Variants in GRM5 observed in about 807,000 individuals in gnomAD.
GRM5 encodes glutamate metabotropic receptor 5.
A neutral mutation model predicts 83.1 loss-of-function variants in GRM5; 19 were observed. The ratio of observed to expected loss-of-function variants is 0.23; its 90% CI spans 0.16 to 0.34. The LOEUF (loss-of-function observed/expected upper bound fraction) is 0.34, where lower values mean the gene tolerates loss of function less well. Ranked by LOEUF, GRM5 falls within the 10% of genes least tolerant of loss-of-function variation. The probability of loss-of-function intolerance (pLI) is 1.00; values close to 1 mark genes in which losing one functional copy is unlikely to be tolerated. For missense variants in GRM5, 1,160 were observed against 1,588.3 expected (o/e 0.73, Z 4.58); for synonymous variants, 675 against 633.6 (o/e 1.07, Z -0.98).
intron 3 of GRM5, among the ~76,000 whole-genome samples, chr11:88,713,833 T>C (rs1941339202): frequency 1.3e-5 from 2 of 151,908 alleles, no homozygotes; most frequent in Non-Finnish European, 2.9e-5. Context: ...AATATTCCAA[T>C]TATCTCTAGG....
chr11:88,603,823 T>A (rs1201451539), intron 5 of GRM5, among the ~76,000 whole-genome samples: 1 of 152,194 alleles, frequency 6.6e-6, no homozygotes, highest in Non-Finnish European at 1.5e-5. Flanking sequence ...TGTTGGGGAT[T>A]CATGAAACCT....
At chr11:88,967,248 C>CAT (rs61389354) in intron 2 of GRM5, among the ~76,000 whole-genome samples, 449 of 141,654 alleles carry the variant, frequency 3.2e-3, no homozygotes, top group East Asian at 0.012. Flanking sequence ...TATATATACA[C>CAT]ATATATATAT....
intron 8 of GRM5, among the ~76,000 whole-genome samples, chr11:88,547,338 T>G (rs981341284): frequency 6.6e-6 from 1 of 152,030 alleles, no homozygotes; most frequent in Admixed American, 6.6e-5. Flanking sequence ...AGACTAATAC[T>G]CCAGAATTGA....
intron 2 of GRM5, among the ~76,000 whole-genome samples, chr11:88,856,072 A>T (rs1406802405): frequency 1.3e-5 from 2 of 152,104 alleles, no homozygotes; most frequent in Non-Finnish European, 2.9e-5. Flanking sequence ...TCTACAATAG[A>T]ACTTTATTTT....
At chr11:88,808,667 A>G (rs1943539203) in intron 3 of GRM5, among the ~76,000 whole-genome samples, 1 of 152,008 alleles carries the variant, frequency 6.6e-6, no homozygotes, top group Admixed American at 6.6e-5. Flanking sequence ...ATTGGAATGT[A>G]AAATATTATT....
intron 9 of GRM5, among the ~76,000 whole-genome samples, chr11:88,515,883 T>C (rs1357131977): frequency 6.6e-6 from 1 of 152,176 alleles, no homozygotes; most frequent in African/African-American, 2.4e-5. Context: ...GAATAAAACA[T>C]GGAATTGGGA....
intron 2 of GRM5, among the ~76,000 whole-genome samples, chr11:88,937,063 G>A (rs1358962558): frequency 6.6e-6 from 1 of 151,686 alleles, no homozygotes; most frequent in South Asian, 2.1e-4. Flanking sequence ...TAGCATTGTT[G>A]AGAGTAATTT....
intron 4 of GRM5, among the ~76,000 whole-genome samples, chr11:88,651,207 G>T (rs1939622682): frequency 6.6e-6 from 1 of 152,006 alleles, no homozygotes; most frequent in Non-Finnish European, 1.5e-5. Flanking sequence ...CTGTATTTAA[G>T]CAGGACTTCC....
At chr11:88,514,789 C>A (rs530272895) in intron 9 of GRM5, among the ~76,000 whole-genome samples, 6 of 152,052 alleles carry the variant, frequency 3.9e-5, no homozygotes, top group Admixed American at 1.3e-4. Context: ...ATTAACGAGG[C>A]CTTAAAGCTT....
intron 4 of GRM5, among the ~76,000 whole-genome samples, chr11:88,638,959 C>A (rs980272217): frequency 1.3e-5 from 2 of 151,962 alleles, no homozygotes; most frequent in Non-Finnish European, 2.9e-5. Flanking sequence ...TTTCTGTCTT[C>A]TGTATCACTG....
intron 2 of GRM5, among the ~76,000 whole-genome samples, chr11:89,037,835 A>G (rs977067442): frequency 5.9e-5 from 9 of 152,182 alleles, no homozygotes; most frequent in African/African-American, 9.6e-5. Flanking sequence ...TTTAGGAATA[A>G]CATGAAAAAG....
intron 2 of GRM5, among the ~76,000 whole-genome samples, chr11:88,909,517 AT>A: frequency 7.0e-6 from 1 of 142,180 alleles, no homozygotes; most frequent in Non-Finnish European, 1.5e-5. Context: ...ATAAAGCAGG[AT>A]GTTCCCAAAC....
Position 88,506,647 on chromosome 11 carries a change from C to A in GRM5, c.*1945G>T, listed in dbSNP as rs1941190087. 6.6e-6 allele frequency: 1 copy of A among 152,022 alleles called. No homozygotes were observed. Among genetic ancestry groups the A allele is most frequent in the African/African-American group, 2.4e-5 (1 of 41,402 alleles). 9.4% of individuals were successfully genotyped at this position (152,022 alleles called of 1,614,324 possible). On this transcript the variant is annotated 3_prime_UTR_variant, in exon 10 of 10. Transcript: ENST00000305447. The stretch of plus-strand genomic sequence containing the variant: ...AGGTTCGATTTCTTTTAAATTAATA[C>A]TTTAGTACATTAATGTTAGCTTTTA...
rs1261747936 is a variant in GRM5, at chr11:88,649,209, C to T, written c.1147+3959G>A. 2.2e-5 allele frequency among the ~76,000 whole-genome samples: 3 copies of T among 137,770 alleles called. No homozygotes were observed. In the Admixed American group the frequency reaches 2.3e-4, roughly 11 times the overall value. 90.4% of individuals were successfully genotyped at this position (137,770 alleles called of 152,430 possible). ...ATATGTTATATATAATATCTATACACATATACACATATATGTATATATAGT... is the reference window on the plus strand; with the variant it reads ...ATATGTTATATATAATATCTATACATATATACACATATATGTATATATAGT... On this transcript the variant is annotated intron_variant, in intron 4 of 9. Transcript: ENST00000305447.
At chr11:88,904,543 T>C (rs1454433130) in intron 2 of GRM5, among the ~76,000 whole-genome samples, 2 of 152,156 alleles carry the variant, frequency 1.3e-5, no homozygotes, top group Admixed American at 1.3e-4. Context: ...CTTAGTTTCT[T>C]TTAAACACTG....
intron 3 of GRM5, among the ~76,000 whole-genome samples, chr11:88,802,643 C>G (rs1236642140): frequency 1.3e-5 from 2 of 152,200 alleles, no homozygotes; most frequent in East Asian, 1.9e-4. Context: ...GATGCCCTCT[C>G]TCACCACTCC....
At chr11:88,540,592 T>A (rs1406905367) in intron 8 of GRM5, among the ~76,000 whole-genome samples, 2 of 152,104 alleles carry the variant, frequency 1.3e-5, no homozygotes, top group Non-Finnish European at 2.9e-5. Flanking sequence ...AGGTAGCCAG[T>A]GTAAGTTGTG....
intron 2 of GRM5, among the ~76,000 whole-genome samples, chr11:89,016,347 G>C (rs1055039052): frequency 6.6e-6 from 1 of 150,700 alleles, no homozygotes; most frequent in East Asian, 1.9e-4. Context: ...TGGGAATAAT[G>C]GTTTTTCATA....
At chr11:88,986,117 G>A (rs664287) in intron 2 of GRM5, among the ~76,000 whole-genome samples, 12,291 of 152,116 alleles carry the variant, frequency 0.081, 1,555 homozygotes, top group African/African-American at 0.27. Flanking sequence ...ATGGATGAAC[G>A]TTTAAATGAC....
Sources: allele counts gnomAD v4.1 joint callset (sites outside exome capture counted in the v4.1 genomes callset), GRCh38; gene constraint gnomAD v4.1.1; transcripts MANE v1.5; gene names NCBI Gene and HGNC (gene_info 2026-07-23, HGNC 2026-07-21).